The following MBD2 variants were observed in gnomAD, a reference collection of about 807,000 sequenced individuals.
The protein encoded by MBD2 is methyl-CpG-binding domain protein 2.
In MBD2, 9 loss-of-function variants were observed where a neutral mutation model predicts 39.3. That is an observed-to-expected ratio of 0.23 (90% confidence interval 0.14 to 0.40). The LOEUF is 0.40. Ranked by LOEUF, MBD2 falls within the 10% of genes least tolerant of loss-of-function variation. MBD2 has a pLI of 1.00. For missense variants in MBD2, 458 were observed against 532.6 expected (o/e 0.86, Z 1.38); for synonymous variants, 233 against 211.1 (o/e 1.10, Z -0.90).
chr18:54,197,443 G>C (rs1474790031), intron 2 of MBD2, among the ~76,000 whole-genome samples: 1 of 152,164 alleles, frequency 6.6e-6, no homozygotes, highest in African/African-American at 2.4e-5. Flanking sequence ...TCCTTCCTTA[G>C]GGAATTTACA....
At chr18:54,192,239 T>C (rs552512618) in intron 2 of MBD2, among the ~76,000 whole-genome samples, 2 of 152,338 alleles carry the variant, frequency 1.3e-5, no homozygotes, top group East Asian at 3.9e-4. Context: ...TGGCTTTTAA[T>C]GTTTTTGTTC....
At chr18:54,181,546 C>G (rs962371756) in intron 3 of MBD2, among the ~76,000 whole-genome samples, 2 of 152,112 alleles carry the variant, frequency 1.3e-5, no homozygotes, top group Non-Finnish European at 2.9e-5. Context: ...GTCGCCCAGG[C>G]TGGAGTGCAG....
At chr18:54,158,746 C>T (rs945785838) in intron 6 of MBD2, among the ~76,000 whole-genome samples, 20 of 152,082 alleles carry the variant, frequency 1.3e-4, no homozygotes, top group African/African-American at 4.3e-4. Flanking sequence ...CTCAGCCTCC[C>T]GAGTAGCTAG....
chr18:54,161,287 A>C (rs1026395574), intron 5 of MBD2, among the ~76,000 whole-genome samples: 1 of 152,222 alleles, frequency 6.6e-6, no homozygotes, highest in Admixed American at 6.5e-5. Flanking sequence ...ATAGACTTCC[A>C]CTTATTAAAT....
At chr18:54,223,982 G>GTCC in intron 1 of MBD2, 36 bp downstream of exon 1, 4 of 1,371,194 alleles carry the variant, frequency 2.9e-6, no homozygotes, top group Non-Finnish European at 4.1e-6. Flanking sequence ...ACCCCGGCCT[G>GTCC]ACCCCGCCAC....
chr18:54,160,314 G>A (rs2086086525), intron 5 of MBD2, among the ~76,000 whole-genome samples: 1 of 152,210 alleles, frequency 6.6e-6, no homozygotes, highest in African/African-American at 2.4e-5. Flanking sequence ...TGAGAAAGAT[G>A]GAGGAAGCAG....
intron 3 of MBD2, among the ~76,000 whole-genome samples, chr18:54,177,524 T>A (rs569829075): frequency 1.2e-4 from 18 of 152,098 alleles, no homozygotes; most frequent in Middle Eastern, 3.4e-3. Flanking sequence ...TCTGTCGCCC[T>A]GGCTGGAGTG....
At chr18:54,223,307 A>C (rs1257056196) in intron 1 of MBD2, among the ~76,000 whole-genome samples, 2 of 152,226 alleles carry the variant, frequency 1.3e-5, no homozygotes, top group African/African-American at 4.8e-5. Context: ...GGGCCAGATC[A>C]TTCTTTGTTG....
rs1428040108 is a variant in MBD2, at chr18:54,224,389, G to A, written c.171C>T (p.Gly57=). Residue 57 remains glycine, a synonymous_variant, in exon 1 of 7, where the codon GGC becomes GGT. Transcript: ENST00000256429. ...GCTTCCACCGCCCCCGGCCACGGCCGCCGCCCCGAGCGCCTTCCCTGCGCA... is the reference window on the plus strand; with the variant it reads ...GCTTCCACCGCCCCCGGCCACGGCCACCGCCCCGAGCGCCTTCCCTGCGCA... ...SGVRREGARG[G]GRGRGRWKQA... 2 of 1,233,308 alleles carry A rather than the reference G, an allele frequency of 1.6e-6. No individual in the cohort carries two copies. Among genetic ancestry groups the A allele is most frequent in the Admixed American group, 3.8e-5 (1 of 26,158 alleles). The allele number at this position is 1,233,308 out of a possible 1,614,324, so 76.4% of individuals were successfully genotyped here.
At chr18:54,202,780 A>T in intron 2 of MBD2, 2 of 1,510,970 alleles carry the variant, frequency 1.3e-6, no homozygotes, top group Admixed American at 4.6e-5. Flanking sequence ...AGCAATATTA[A>T]GTACCTACCG....
At chr18:54,169,457 A>T (rs2086163386) in intron 3 of MBD2, among the ~76,000 whole-genome samples, 1 of 152,184 alleles carries the variant, frequency 6.6e-6, no homozygotes, top group South Asian at 2.1e-4. Flanking sequence ...CCTAAGTTTA[A>T]CATTTCCTGA....
chr18:54,194,557 G>A (rs948288786), intron 2 of MBD2, among the ~76,000 whole-genome samples: 14 of 148,782 alleles, frequency 9.4e-5, no homozygotes, highest in Non-Finnish European at 1.2e-4. Context: ...GTGTGTGTGT[G>A]TATATATATA....
chr18:54,195,963 T>G (rs1044942818), intron 2 of MBD2, among the ~76,000 whole-genome samples: 6 of 152,156 alleles, frequency 3.9e-5, no homozygotes, highest in African/African-American at 1.4e-4. Flanking sequence ...GGAGATTTGC[T>G]CCAGAATATA....
chr18:54,178,646 A>G (rs2086228668), intron 3 of MBD2, among the ~76,000 whole-genome samples: 1 of 152,168 alleles, frequency 6.6e-6, no homozygotes, highest in South Asian at 2.1e-4. Flanking sequence ...TTATAAAGAA[A>G]TAACTTCTAT....
At position 54,164,698 on chromosome 18, in the gene MBD2, C is replaced by T. The variant is rs2086118534; in HGVS notation, c.934G>A (p.Val312Ile). 1 of 1,597,050 alleles carries T rather than the reference C, an allele frequency of 6.3e-7. No homozygotes were observed. The change falls in exon 5 of 7, where the codon GTT (valine) becomes ATT (isoleucine). Residue 312 changes from valine to isoleucine, a missense_variant and splice_region_variant. This residue lies in a region of MBD2 where 189 missense variants were observed against 296.6 expected (regional missense o/e 0.64). Coordinates refer to ENST00000256429, the MANE Select transcript of MBD2 (RefSeq NM_003927.5). ...GTCTCATCATTGCTACCTGGACCAACTCCTGCAATGAGAAACAAGTACTAG... is the reference window on the plus strand; with the variant it reads ...GTCTCATCATTGCTACCTGGACCAATTCCTGCAATGAGAAACAAGTACTAG... ...TMELPKGLQG[V>I]GPGSNDETLL...
At chr18:54,172,151 T>G (rs897387768) in intron 3 of MBD2, among the ~76,000 whole-genome samples, 6 of 152,214 alleles carry the variant, frequency 3.9e-5, no homozygotes, top group African/African-American at 1.2e-4. Flanking sequence ...TGCCTCTTCC[T>G]TAGGCAGAAT....
Position 54,224,610 on chromosome 18 carries a change from G to C in MBD2, c.-51C>G, listed in dbSNP as rs2086647612. The C allele has an allele frequency of 6.7e-6, 8 of 1,193,594 alleles. No individual in the cohort carries two copies. The South Asian group carries it at 3.0e-4, about 44-fold the overall frequency. The allele number at this position is 1,193,594 out of a possible 1,614,324, so 73.9% of individuals were successfully genotyped here. A position where few individuals can be genotyped will look rare whatever the true frequency, so the allele number is the denominator to read the frequency against. On this transcript the variant is annotated 5_prime_UTR_variant, in exon 1 of 7. Coordinates refer to ENST00000256429, the MANE Select transcript of MBD2 (RefSeq NM_003927.5). ...CGCTTCTTCCGTAACCGAGCCCTTGGAATCCCGGAGACCCGCCCCGCCCGC... is the reference window on the plus strand; with the variant it reads ...CGCTTCTTCCGTAACCGAGCCCTTGCAATCCCGGAGACCCGCCCCGCCCGC...
intron 6 of MBD2, among the ~76,000 whole-genome samples, chr18:54,155,560 C>T (rs146793425): frequency 1.6e-4 from 24 of 152,204 alleles, no homozygotes; most frequent in African/African-American, 5.1e-4. Flanking sequence ...CATATGTATT[C>T]TTCTATGTTT....
intron 6 of MBD2, among the ~76,000 whole-genome samples, chr18:54,158,371 C>T (rs927054008): frequency 2.6e-5 from 4 of 152,138 alleles, no homozygotes; most frequent in African/African-American, 4.8e-5. Context: ...CAGAGAGGCT[C>T]TGTTGACCCT....
Sources: gnomAD v4.1 joint callset for allele counts (sites outside exome capture counted in the v4.1 genomes callset) on GRCh38, gnomAD v4.1.1 for gene constraint, gnomAD v4.1.1 regional missense constraint, MANE v1.5 for transcripts, NCBI Gene and HGNC (gene_info 2026-07-23, HGNC 2026-07-21) for gene names.